The following STK32A variants were observed in gnomAD, a reference collection of about 807,000 sequenced individuals.
STK32A encodes the protein serine/threonine kinase 32A, also known as serine/threonine-protein kinase 32A.
STK32A carries 41 observed loss-of-function variants against 53.2 expected under a neutral mutation model. The observed-to-expected ratio is 0.77, with a 90% CI of 0.60 to 1.00. The LOEUF (loss-of-function observed/expected upper bound fraction) is 1.00. STK32A is among the 50% of genes least tolerant of loss of function. The pLI is 0.00. For synonymous variants in STK32A, 166 were observed against 162.8 expected (o/e 1.02, Z -0.15); for missense variants, 458 against 485.8 (o/e 0.94, Z 0.54).
At chr5:147,334,141 T>C (rs540656603) in intron 5 of STK32A, among the ~76,000 whole-genome samples, 2 of 152,334 alleles carry the variant, frequency 1.3e-5, no homozygotes, top group South Asian at 4.1e-4. Context: ...ATTTGGAGAC[T>C]GACAAGCTCT....
chr5:147,237,514 C>T (rs1396049644), intron 1 of STK32A, among the ~76,000 whole-genome samples: 3 of 152,248 alleles, frequency 2.0e-5, no homozygotes, highest in Admixed American at 1.3e-4. Flanking sequence ...CCCTTGTCTG[C>T]TGGAGTTAAA....
intron 4 of STK32A, among the ~76,000 whole-genome samples, chr5:147,311,876 G>C (rs1250290532): frequency 6.6e-6 from 1 of 151,670 alleles, no homozygotes; most frequent in Non-Finnish European, 1.5e-5. Flanking sequence ...GGGATTACAA[G>C]CGTGAGTCAT....
At position 147,293,126 on chromosome 5, in the gene STK32A, G is replaced by A. The variant is rs1037527616; in HGVS notation, c.260+13728G>A. Among the ~76,000 whole-genome samples, 14 of 152,136 alleles carry A rather than the reference G, an allele frequency of 9.2e-5. No individual in the cohort carries two copies. In the South Asian group the frequency reaches 1.0e-3, roughly 11 times the overall value. On this transcript the variant is annotated intron_variant, in intron 4 of 12. Transcript: ENST00000397936. ...CTGATTATAAACCACTTTTTATGAA[G>A]AATCTAAGTAAAATAATAATTGTCT...
chr5:147,318,717 A>T (rs541627209), intron 4 of STK32A, among the ~76,000 whole-genome samples: 4 of 151,866 alleles, frequency 2.6e-5, no homozygotes, highest in African/African-American at 9.7e-5. Flanking sequence ...TCAAGGCTAC[A>T]GTGAGCTATG....
At chr5:147,362,824 G>A (rs1756568898) in intron 8 of STK32A, among the ~76,000 whole-genome samples, 1 of 152,198 alleles carries the variant, frequency 6.6e-6, no homozygotes, top group Non-Finnish European at 1.5e-5. Context: ...GCTCATGCCT[G>A]TAATCCCAAC....
Position 147,369,426 on chromosome 5 carries a change from ATC to A in STK32A, c.661-1220_661-1219del, listed in dbSNP as rs1281313260. Among the ~76,000 whole-genome samples the A allele has an allele frequency of 3.3e-5, 5 of 152,102 alleles. No homozygotes were observed. In the East Asian group the frequency reaches 9.7e-4, roughly 29 times the overall value. On this transcript the variant is annotated intron_variant, in intron 8 of 12. Coordinates refer to ENST00000397936, the MANE Select transcript of STK32A (RefSeq NM_001112724.2). ...TACCTTTGTGTCAATAATGATAAAA[ATC>A]TCTCTCTTATATTGTGTCTAATACT...
chr5:147,366,918 G>T (rs140428381), intron 8 of STK32A, among the ~76,000 whole-genome samples: 3 of 151,046 alleles, frequency 2.0e-5, no homozygotes, highest in African/African-American at 7.3e-5. Flanking sequence ...CAGCTTTCTA[G>T]ATCAGAACAC....
chr5:147,361,667 G>A, intron 8 of STK32A, 53 bp downstream of exon 8: 1 of 1,266,020 alleles, frequency 7.9e-7, no homozygotes, highest in South Asian at 1.3e-5. Context: ...TTCTATTTTA[G>A]AATGAAAGAA....
the STK32A span, chr5:147,395,633 C>G: frequency 6.2e-7 from 1 of 1,614,112 alleles, no homozygotes; most frequent in South Asian, 1.1e-5. Flanking sequence ...CCGAGCAGAG[C>G]CTGCGGGGGT....
At chr5:147,272,978 G>A (rs1320000718) in intron 2 of STK32A, among the ~76,000 whole-genome samples, 1 of 152,134 alleles carries the variant, frequency 6.6e-6, no homozygotes, top group East Asian at 1.9e-4. Context: ...ACTTGCTCAA[G>A]CTGGAATCAA....
intron 4 of STK32A, among the ~76,000 whole-genome samples, chr5:147,298,927 G>T (rs549828000): frequency 2.6e-5 from 4 of 152,136 alleles, no homozygotes; most frequent in East Asian, 1.9e-4. Flanking sequence ...GGGAGTATTT[G>T]GATACCGAGA....
chr5:147,268,003 A>C (rs73794345), intron 2 of STK32A, among the ~76,000 whole-genome samples: 5,960 of 152,284 alleles, frequency 0.039, 418 homozygotes, highest in African/African-American at 0.14. Flanking sequence ...GGATCTTTGA[A>C]AATACAGATT....
chr5:147,366,942 CT>C (rs1472100480), intron 8 of STK32A, among the ~76,000 whole-genome samples: 7 of 149,952 alleles, frequency 4.7e-5, no homozygotes, highest in Non-Finnish European at 1.0e-4. Flanking sequence ...AATCTATTTT[CT>C]TTTTAAGGAT....
At chr5:147,307,209 C>A (rs531363283) in intron 4 of STK32A, among the ~76,000 whole-genome samples, 1 of 151,984 alleles carries the variant, frequency 6.6e-6, no homozygotes, top group Non-Finnish European at 1.5e-5. Flanking sequence ...CAATCTCTGA[C>A]CTTCTTTTTC....
rs116144566 is a variant in STK32A, at chr5:147,279,219, A to C, written c.109-28A>C. 4.7e-4 allele frequency: 738 copies of C among 1,586,208 alleles called. 5 individuals carry two copies. The African/African-American group carries it at 8.7e-3, about 19-fold the overall frequency. On this transcript the variant is annotated intron_variant, in intron 3 of 12. Transcript: ENST00000397936. Reference sequence around the variant, plus strand: ...ACCATGATCCATTATCTCCCTAATCACTCTCTCACTCGGGTTTTCACCATT... The same window carrying C: ...ACCATGATCCATTATCTCCCTAATCCCTCTCTCACTCGGGTTTTCACCATT...
intron 4 of STK32A, among the ~76,000 whole-genome samples, chr5:147,300,443 G>T (rs1753075996): frequency 6.6e-6 from 1 of 152,188 alleles, no homozygotes; most frequent in Non-Finnish European, 1.5e-5. Context: ...TATCCCACAA[G>T]AATACAAACT....
chr5:147,252,557 CT>C (rs77074275), intron 2 of STK32A, among the ~76,000 whole-genome samples: 6,180 of 152,160 alleles, frequency 0.041, 180 homozygotes, highest in Middle Eastern at 0.099. Context: ...TGCAGCTATT[CT>C]TAGGAAATGC....
chr5:147,261,416 C>T (rs1231225891), intron 2 of STK32A, among the ~76,000 whole-genome samples: 4 of 151,968 alleles, frequency 2.6e-5, no homozygotes, highest in South Asian at 2.1e-4. Context: ...AGGGTTAGAC[C>T]GCACAAACTA....
chr5:147,325,998 C>A (rs1754568273), intron 5 of STK32A, among the ~76,000 whole-genome samples: 1 of 152,166 alleles, frequency 6.6e-6, no homozygotes, highest in Admixed American at 6.5e-5. Flanking sequence ...TGGGTTCTGT[C>A]CCTTCTTTCT....
Sources: allele counts gnomAD v4.1 joint callset (sites outside exome capture counted in the v4.1 genomes callset), GRCh38; gene constraint gnomAD v4.1.1; transcripts MANE v1.5; gene names NCBI Gene and HGNC (gene_info 2026-07-23, HGNC 2026-07-21).